ST6GAL2: variants seen among roughly 807,000 people sequenced by gnomAD.
ST6GAL2 encodes ST6 beta-galactoside alpha-2,6-sialyltransferase 2.
ST6GAL2 carries 24 observed loss-of-function variants against 37.5 expected under a neutral mutation model. The ratio of observed to expected loss-of-function variants is 0.64; its 90% CI spans 0.46 to 0.90. ST6GAL2 has a LOEUF of 0.90. ST6GAL2 is among the 40% of genes least tolerant of loss of function. ST6GAL2 has a pLI of 0.00. For synonymous variants in ST6GAL2, 306 were observed against 295.1 expected (o/e 1.04, Z -0.38); for missense variants, 715 against 712.7 (o/e 1.00, Z -0.04).
chr2:106,843,628 C>T lies in ST6GAL2; in HGVS notation c.350G>A (p.Gly117Glu). 2 of 1,613,926 alleles carry T rather than the reference C, an allele frequency of 1.2e-6. No homozygotes were observed. The highest frequency in any genetic ancestry group is 1.7e-6 in the Non-Finnish European group (2 of 1,180,034). The change falls in exon 2 of 6, where the codon GGG becomes GAG. Residue 117 changes from glycine to glutamate, a missense_variant. This residue lies in a region of ST6GAL2 where 512 missense variants were observed against 488.8 expected (regional missense o/e 1.05). Coordinates refer to ENST00000409382, the MANE Select transcript of ST6GAL2 (RefSeq NM_001142351.2). ...EHKEFFSSQV[G>E]RKSQSAFYPE... ...GTAGAAAGCACTTTGAGATTTTCTC[C>T]CCACCTGGGATGAAAAAAACTCTTT... is the stretch of plus-strand genomic sequence containing the variant.
intron 5 of ST6GAL2, among the ~76,000 whole-genome samples, chr2:106,813,695 T>G (rs1270038568): frequency 6.6e-6 from 1 of 152,202 alleles, no homozygotes; most frequent in Admixed American, 6.5e-5. Context: ...GAAAATAGCC[T>G]TTCATTAAAT....
chr2:106,806,963 C>A lies in ST6GAL2; in HGVS notation c.1319-14G>T. On this transcript the variant is annotated splice_polypyrimidine_tract_variant and intron_variant, in intron 5 of 5. Coordinates refer to ENST00000409382, the MANE Select transcript of ST6GAL2 (RefSeq NM_001142351.2). ...TTATGAGGATTCCTGACATGAAAAC[C>A]AAAAATTAGAACCTAATGAACAACT... The A allele has an allele frequency of 6.3e-7, 1 of 1,597,268 alleles. No homozygotes were observed. Among genetic ancestry groups the A allele is most frequent in the Admixed American group, 1.7e-5 (1 of 58,640 alleles).
chr2:106,830,042 T>C, intron 5 of ST6GAL2, 24 bp downstream of exon 5: 1 of 1,609,674 alleles, frequency 6.2e-7, no homozygotes, highest in Non-Finnish European at 8.5e-7. Flanking sequence ...CCCCAATCAT[T>C]CCAATTTTTA....
At chr2:106,823,594 G>C (rs1362579100) in intron 5 of ST6GAL2, among the ~76,000 whole-genome samples, 1 of 152,012 alleles carries the variant, frequency 6.6e-6, no homozygotes, top group Non-Finnish European at 1.5e-5. Context: ...CTGGTACTGG[G>C]CTAGGGGTTG....
intron 2 of ST6GAL2, among the ~76,000 whole-genome samples, chr2:106,841,721 C>A (rs967950316): frequency 6.6e-6 from 1 of 152,122 alleles, no homozygotes; most frequent in African/African-American, 2.4e-5. Flanking sequence ...GAATGTGATC[C>A]AGCGAGGAAG....
intron 1 of ST6GAL2, among the ~76,000 whole-genome samples, chr2:106,858,701 C>T (rs1677680487): frequency 6.6e-6 from 1 of 152,082 alleles, no homozygotes; most frequent in Non-Finnish European, 1.5e-5. Flanking sequence ...CAACACCAAA[C>T]CCTCTTGGGC....
intron 5 of ST6GAL2, among the ~76,000 whole-genome samples, chr2:106,817,242 C>G (rs1485021836): frequency 6.6e-6 from 1 of 152,192 alleles, no homozygotes; most frequent in Non-Finnish European, 1.5e-5. Flanking sequence ...GCTAGGGCAG[C>G]CAAGGGAGTG....
rs912182658 is a variant in ST6GAL2 at position 106,812,946 on chromosome 2, T to G, written c.1319-5997A>C. On this transcript the variant is annotated intron_variant, in intron 5 of 5. Transcript: ENST00000409382. ...TAAGAACTACAAAAAATTAACAACT[T>G]TATCACTAATGAAAGTTTTACTGCT... 12 of 879,102 alleles carry G rather than the reference T, an allele frequency of 1.4e-5. No individual in the cohort carries two copies. The African/African-American group carries it at 2.1e-4, about 15-fold the overall frequency. 54.5% of individuals were successfully genotyped at this position (879,102 alleles called of 1,614,324 possible).
In ST6GAL2 at chr2:106,824,298, A is replaced by G. The variant is rs149280366; in HGVS notation, c.1318+5768T>C. ...AATTTTATAGTTATGTCTTCCAAAG[A>G]AACAAAAAGAATAATTGTATTTGTA... On this transcript the variant is annotated intron_variant, in intron 5 of 5. Transcript: ENST00000409382. 2.2e-3 allele frequency among the ~76,000 whole-genome samples: 332 copies of G among 152,336 alleles called. 2 individuals are homozygous for G. The highest frequency in any genetic ancestry group is 7.8e-3 in the African/African-American group (323 of 41,588).
In ST6GAL2 at chr2:106,843,331, A is replaced by G. The variant is rs753008259; in HGVS notation, c.647T>C (p.Met216Thr). The change falls in exon 2 of 6, where the codon ATG becomes ACG. Residue 216 changes from methionine to threonine, a missense_variant. Met to Thr is a moderately conservative substitution (Grantham distance 81, BLOSUM62 -1). Transcript: ENST00000409382. ...CGCCTTCTGCAGGCGCGGGTTCAGC[A>G]TTTTGGAAGAGACGTTCCCCTTCCA... ...RLWKGNVSSK[M>T]LNPRLQKAMK... is the part of the protein sequence containing the mutation. 4 of 1,614,030 alleles carry G rather than the reference A, an allele frequency of 2.5e-6. No homozygotes were observed. The highest frequency in any genetic ancestry group is 3.4e-6 in the Non-Finnish European group (4 of 1,179,994).
In ST6GAL2 at chr2:106,829,850, G is replaced by A. The variant is rs1446736765; in HGVS notation, c.1318+216C>T. Among the ~76,000 whole-genome samples the A allele has an allele frequency of 2.6e-5, 4 of 151,754 alleles. No individual in the cohort carries two copies. The East Asian group carries it at 7.7e-4, about 29-fold the overall frequency. The stretch of plus-strand genomic sequence containing the variant: ...GCACTCAAAGCAAAGGCTCATTGAA[G>A]CATTTTGGATTTTTGGATTAGAGAT... On this transcript the variant is annotated intron_variant, in intron 5 of 5. Coordinates refer to ENST00000409382, the MANE Select transcript of ST6GAL2 (RefSeq NM_001142351.2).
At chr2:106,852,051 T>G (rs888770487) in intron 1 of ST6GAL2, among the ~76,000 whole-genome samples, 7 of 152,222 alleles carry the variant, frequency 4.6e-5, no homozygotes, top group Admixed American at 3.3e-4. Context: ...CCTTCTCTTT[T>G]CTTTGCTTTT....
In ST6GAL2 at chr2:106,806,541, G is replaced by GGATTATCA; in HGVS notation, c.*129_*136dup. The GGATTATCA allele has an allele frequency of 1.0e-6, 1 of 964,542 alleles. No homozygotes were observed. The highest frequency in any genetic ancestry group is 1.5e-6 in the Non-Finnish European group (1 of 647,292). The allele number at this position is 964,542 out of a possible 1,614,324, so 59.7% of individuals were successfully genotyped here. A position where few individuals can be genotyped will look rare whatever the true frequency, so the allele number is the denominator to read the frequency against. On this transcript the variant is annotated 3_prime_UTR_variant, in exon 6 of 6. Coordinates refer to ENST00000409382, the MANE Select transcript of ST6GAL2 (RefSeq NM_001142351.2). ...CATACTCAATGGCTTAGAAAGAGAA[G>GGATTATCA]GATTATCATGACCACCACTAAATTA...
intron 1 of ST6GAL2, among the ~76,000 whole-genome samples, chr2:106,857,706 C>T (rs1677634254): frequency 6.6e-6 from 1 of 152,144 alleles, no homozygotes; most frequent in Non-Finnish European, 1.5e-5. Flanking sequence ...AAATATGGCC[C>T]TTCAAAGAAA....
chr2:106,865,452 A>C (rs1410987138), intron 1 of ST6GAL2, among the ~76,000 whole-genome samples: 1 of 152,244 alleles, frequency 6.6e-6, no homozygotes, highest in Non-Finnish European at 1.5e-5. Context: ...GTACATGTGC[A>C]TCAGTTCTGC....
intron 1 of ST6GAL2, among the ~76,000 whole-genome samples, chr2:106,864,161 G>A (rs1020127162): frequency 6.6e-6 from 1 of 152,206 alleles, no homozygotes; most frequent in African/African-American, 2.4e-5. Context: ...ACTACCCACA[G>A]ATGTCTGCCT....
chr2:106,875,814 T>C (rs1301582921), intron 1 of ST6GAL2, among the ~76,000 whole-genome samples: 1 of 152,198 alleles, frequency 6.6e-6, no homozygotes, highest in Non-Finnish European at 1.5e-5. Context: ...TTCCATATTA[T>C]AATTGGGATA....
At chr2:106,819,720 C>G (rs184016935) in intron 5 of ST6GAL2, among the ~76,000 whole-genome samples, 133 of 151,796 alleles carry the variant, frequency 8.8e-4, no homozygotes, top group African/African-American at 2.5e-3. Context: ...ATAATTATAG[C>G]CTGTAAACTA....
At chr2:106,846,547 C>T (rs1677151710) in intron 1 of ST6GAL2, among the ~76,000 whole-genome samples, 1 of 152,136 alleles carries the variant, frequency 6.6e-6, no homozygotes, top group Non-Finnish European at 1.5e-5. Flanking sequence ...AAGAAGAAGT[C>T]CTAAAAATGC....
Sources: allele counts gnomAD v4.1 joint callset (sites outside exome capture counted in the v4.1 genomes callset), GRCh38; gene constraint gnomAD v4.1.1; regional missense constraint gnomAD v4.1.1; transcripts MANE v1.5; gene names NCBI Gene and HGNC (gene_info 2026-07-23, HGNC 2026-07-21).